ATP8B3: variants seen among roughly 807,000 people sequenced by gnomAD.
ATP8B3 encodes the protein ATPase phospholipid transporting 8B3.
A neutral mutation model predicts 140.9 loss-of-function variants in ATP8B3; 141 were observed. The ratio of observed to expected loss-of-function variants is 1.00; its 90% CI spans 0.87 to 1.15. ATP8B3 has a LOEUF of 1.15. ATP8B3 is among the 50% of genes most tolerant of loss of function. ATP8B3 has a pLI of 0.00. For missense variants in ATP8B3, 1,874 were observed against 1,740.6 expected (o/e 1.08, Z -1.36); for synonymous variants, 765 against 714.6 (o/e 1.07, Z -1.13).
Position 1,799,885 on chromosome 19 carries a change from A to T in ATP8B3, c.1552+62T>A, listed in dbSNP as rs1332801265. The T allele has an allele frequency of 4.1e-6, 6 of 1,481,166 alleles. No individual in the cohort carries two copies. The East Asian group carries it at 1.5e-4, about 36-fold the overall frequency. 91.8% of individuals were successfully genotyped at this position (1,481,166 alleles called of 1,614,324 possible). A position where few individuals can be genotyped will look rare whatever the true frequency, so the allele number is the denominator to read the frequency against. On this transcript the variant is annotated intron_variant, in intron 14 of 28. Coordinates refer to ENST00000310127, the MANE Select transcript of ATP8B3 (RefSeq NM_138813.4). Reference sequence around the variant, plus strand: ...GGGGCCAGACGTGGCTCTGGTTCTCAGGCACCCTGAGCCCCTTGAAGATCG... The same window carrying T: ...GGGGCCAGACGTGGCTCTGGTTCTCTGGCACCCTGAGCCCCTTGAAGATCG...
intron 18 of ATP8B3, among the ~76,000 whole-genome samples, chr19:1,793,064 T>C (rs1265589247): frequency 6.6e-6 from 1 of 151,472 alleles, no homozygotes; most frequent in Admixed American, 6.6e-5. Context: ...ACCTTCCCTA[T>C]GCTTTGCACA....
chr19:1,787,986 G>C (rs1000778562), intron 24 of ATP8B3, among the ~76,000 whole-genome samples: 4 of 152,118 alleles, frequency 2.6e-5, no homozygotes, highest in Non-Finnish European at 5.9e-5. Context: ...AGGTTGCAGT[G>C]AGCCAAGATC....
intron 28 of ATP8B3, 140 bp downstream of exon 28, chr19:1,784,679 C>G (rs1280829575): frequency 8.2e-7 from 1 of 1,225,328 alleles, no homozygotes; most frequent in Admixed American, 3.0e-5. Flanking sequence ...CGGGGCTCCG[C>G]ACCCACCCTT....
At position 1,782,909 on chromosome 19, in the gene ATP8B3, G is replaced by T; in HGVS notation, c.*119C>A. On this transcript the variant is annotated 3_prime_UTR_variant, in exon 29 of 29. Coordinates refer to ENST00000310127, the MANE Select transcript of ATP8B3 (RefSeq NM_138813.4). ...AGGTTGGTTTTCTGGATGAAGAGCG[G>T]ATTGTCTATCCATAGAAAATGATGA... is the stretch of plus-strand genomic sequence containing the variant. The T allele has an allele frequency of 1.5e-6, 2 of 1,330,732 alleles. No homozygotes were observed. Among genetic ancestry groups the T allele is most frequent in the Non-Finnish European group, 2.0e-6 (2 of 983,980 alleles). 82.4% of individuals were successfully genotyped at this position (1,330,732 alleles called of 1,614,324 possible).
rs766870407 is a variant in ATP8B3, at chr19:1,785,208, G to A, written c.3483C>T (p.Thr1161=). The A allele has an allele frequency of 1.2e-5, 20 of 1,605,670 alleles. No homozygotes were observed. The highest frequency in any genetic ancestry group is 1.7e-5 in the Non-Finnish European group (20 of 1,176,164). The change falls in exon 27 of 29, where the codon ACC becomes ACT. Residue 1161 remains threonine (T), a synonymous_variant. Coordinates refer to ENST00000310127, the MANE Select transcript of ATP8B3 (RefSeq NM_138813.4). ...ATACTCTGAAGAGCCAGAAGCTCTG[G>A]GTGGTGGTAGTCATGATGGCGTAGA... ...LGFYAIMTTT[T]QSFWLFRVSP...
In ATP8B3 at chr19:1,782,841, CAGAT is replaced by C. The variant is rs1441454599; in HGVS notation, c.*183_*186del. On this transcript the variant is annotated 3_prime_UTR_variant, in exon 29 of 29. Transcript: ENST00000310127. ...CTTGGCAATTGCTCTTGGAAAGACTCAGATAGCCTGTTGCTGCTGGTGAGCACAT... is the reference window on the plus strand; with the variant it reads ...CTTGGCAATTGCTCTTGGAAAGACTCAGCCTGTTGCTGCTGGTGAGCACAT... 1.8e-5 allele frequency: 13 copies of C among 736,268 alleles called. No individual in the cohort carries two copies. Among genetic ancestry groups the C allele is most frequent in the Non-Finnish European group, 2.6e-5 (12 of 461,134 alleles). The allele number at this position is 736,268 out of a possible 1,614,324, so 45.6% of individuals were successfully genotyped here. A position where few individuals can be genotyped will look rare whatever the true frequency, so the allele number is the denominator to read the frequency against.
chr19:1,784,944 C>G lies in ATP8B3; in HGVS notation c.3535G>C (p.Ala1179Pro), dbSNP rs577438787. ...GGAGAGGACATCACGCTGAGGTCGG[C>G]ATCTGGGGACAGGGCGGGGTCACAG... ...VSPTTFPFLY[A>P]DLSVMSSPSI... The change falls in exon 28 of 29, where the codon GCC becomes CCC. Residue 1179 changes from alanine (A) to proline (P), a missense_variant and splice_region_variant. Around this residue, in one of 3 missense-constraint regions of ATP8B3, gnomAD observed 840 missense variants for 760.9 expected, o/e 1.10. Coordinates refer to ENST00000310127, the MANE Select transcript of ATP8B3 (RefSeq NM_138813.4). 1.2e-6 allele frequency: 2 copies of G among 1,608,698 alleles called. No individual in the cohort carries two copies. Among genetic ancestry groups the G allele is most frequent in the Non-Finnish European group, 1.7e-6 (2 of 1,177,470 alleles).
rs550853062 is a variant in ATP8B3 at position 1,787,839 on chromosome 19, C to T, written c.3070-653G>A. On this transcript the variant is annotated intron_variant, in intron 24 of 28. Coordinates refer to ENST00000310127, the MANE Select transcript of ATP8B3 (RefSeq NM_138813.4). ...TGGGCAGATCACGAGGTCAGGAGTT[C>T]GAGACCAGCCTGGCCAACATGGCAA... Among the ~76,000 whole-genome samples, 121 of 150,386 alleles carry T rather than the reference C, an allele frequency of 8.0e-4. 1 individual carries two copies. The highest frequency in any genetic ancestry group is 2.8e-3 in the African/African-American group (114 of 40,890).
chr19:1,789,872 A>C lies in ATP8B3; in HGVS notation c.2478+18T>G, dbSNP rs764632695. ...CCCTGGCGCCGGGACCCCGCCGTCC[A>C]CCCTGAGCGACACTGACCAGGAAGT... On this transcript the variant is annotated intron_variant, in intron 22 of 28. Transcript: ENST00000310127. 6.2e-7 allele frequency: 1 copy of C among 1,606,244 alleles called. No individual in the cohort carries two copies. Among genetic ancestry groups the C allele is most frequent in the East Asian group, 2.2e-5 (1 of 44,548 alleles).
Position 1,789,261 on chromosome 19 carries a change from GC to G in ATP8B3, c.2845+99del, listed in dbSNP as rs565076661. 3.0e-4 allele frequency: 357 copies of G among 1,175,290 alleles called. 1 individual carries two copies. In the African/African-American group the frequency reaches 5.4e-3, roughly 18 times the overall value. 72.8% of individuals were successfully genotyped at this position (1,175,290 alleles called of 1,614,324 possible). A position where few individuals can be genotyped will look rare whatever the true frequency, so the allele number is the denominator to read the frequency against. On this transcript the variant is annotated intron_variant, in intron 23 of 28. Transcript: ENST00000310127. ...CAGTCCCACCGCCGCCTCCATCAGC[GC>G]CCCCCTCACCTGCCCCAGGTCCCCC... is the stretch of plus-strand genomic sequence containing the variant.
At position 1,800,051 on chromosome 19, in the gene ATP8B3, T is replaced by C. The variant is rs2068794167; in HGVS notation, c.1448A>G (p.Asn483Ser). ...GTATTCCACCTGGCCCAGGTGGTCGTTGAGGCTGGTGCTGCGGGCCTTGGC... is the reference window on the plus strand; with the variant it reads ...GTATTCCACCTGGCCCAGGTGGTCGCTGAGGCTGGTGCTGCGGGCCTTGGC... ...VPAKARSTSL[N>S]DHLGQVEYIF... Residue 483 changes from asparagine to serine, a missense_variant, in exon 14 of 29, where the codon AAC becomes AGC. Coordinates refer to ENST00000310127, the MANE Select transcript of ATP8B3 (RefSeq NM_138813.4). The surrounding 1 kb of genome is among the most constrained non-coding windows in gnomAD (Gnocchi z 4.4). 6.3e-7 allele frequency: 1 copy of C among 1,597,514 alleles called. No homozygotes were observed. Among genetic ancestry groups the C allele is most frequent in the Non-Finnish European group, 8.5e-7 (1 of 1,172,184 alleles).
rs1310934672 is a variant in ATP8B3, at chr19:1,788,987, G to A, written c.2979C>T (p.Ile993=). 2 of 1,610,606 alleles carry A rather than the reference G, an allele frequency of 1.2e-6. No homozygotes were observed. Among genetic ancestry groups the A allele is most frequent in the Non-Finnish European group, 1.7e-6 (2 of 1,178,846 alleles). ...AGAAGAAGTAGCGCAGGAACTTGCA[G>A]ATCCGCACGTAGGACCAGCGGCCGT... The part of the protein sequence containing the change: ...LVHGRWSYVR[I]CKFLRYFFYK... Residue 993 remains isoleucine, a synonymous_variant, in exon 24 of 29, where the codon ATC becomes ATT. Coordinates refer to ENST00000310127, the MANE Select transcript of ATP8B3 (RefSeq NM_138813.4).
chr19:1,810,416 G>A (rs139154981), intron 3 of ATP8B3, among the ~76,000 whole-genome samples: 191 of 152,220 alleles, frequency 1.3e-3, no homozygotes, highest in Non-Finnish European at 2.2e-3. Flanking sequence ...ACAGGCATAC[G>A]CCACCACGCC....
Position 1,800,355 on chromosome 19 carries a change from C to G in ATP8B3, c.1247G>C (p.Gly416Ala). ...EFKDHHYYLS[G>A]VHGSSVAAES... ...TGCGGCCACGCTGCTCCCATGCACCCCCGAGAGGTAGTAGTGGTGGTCTTT... is the reference window on the plus strand; with the variant it reads ...TGCGGCCACGCTGCTCCCATGCACCGCCGAGAGGTAGTAGTGGTGGTCTTT... Residue 416 changes from glycine to alanine, a missense_variant, in exon 13 of 29, where the codon GGG (glycine) becomes GCG (alanine). By Grantham distance (60) the Gly-to-Ala change is moderately conservative (BLOSUM62 0). Transcript: ENST00000310127. This position sits in a 1 kb window ranked among gnomAD's most constrained non-coding sequence, Gnocchi z 4.4. 1.2e-6 allele frequency: 2 copies of G among 1,612,658 alleles called. No homozygotes were observed. The highest frequency in any genetic ancestry group is 8.5e-7 in the Non-Finnish European group (1 of 1,179,774).
Position 1,787,103 on chromosome 19 carries a change from C to G in ATP8B3, c.3153G>C (p.Gln1051His). The change falls in exon 25 of 29, where the codon CAG becomes CAC. Residue 1051 changes from glutamine (Q) to histidine (H), a missense_variant and splice_region_variant. This residue lies in a region of ATP8B3 where 840 missense variants were observed against 760.9 expected (regional missense o/e 1.10). Transcript: ENST00000310127. The stretch of plus-strand genomic sequence containing the variant: ...GAAGACCCGGCCTTGCCCTGCTCAC[C>G]TGCTCAAAGAGCCCAATGTAGAGAA... ...LPVLYIGLFE[Q>H]DVSAEQSLEK... 6.3e-7 allele frequency: 1 copy of G among 1,599,772 alleles called. No individual in the cohort carries two copies. The highest frequency in any genetic ancestry group is 8.5e-7 in the Non-Finnish European group (1 of 1,172,564).
chr19:1,790,737 C>G lies in ATP8B3; in HGVS notation c.2378+20G>C. 3.2e-6 allele frequency: 5 copies of G among 1,583,360 alleles called. No individual in the cohort carries two copies. Among genetic ancestry groups the G allele is most frequent in the Non-Finnish European group, 4.3e-6 (5 of 1,166,590 alleles). On this transcript the variant is annotated intron_variant, in intron 21 of 28. Transcript: ENST00000310127. ...ACCTCCCCACTCCCCTTGCTCACCC[C>G]CCAACTCCCCACTTCTTACCTAATC...
intron 5 of ATP8B3, 113 bp downstream of exon 5, chr19:1,808,109 T>C: frequency 1.2e-6 from 1 of 832,478 alleles, no homozygotes; most frequent in Non-Finnish European, 2.0e-6. Context: ...GACTCAGCGC[T>C]GAGGGTCCCA....
intron 4 of ATP8B3, among the ~76,000 whole-genome samples, chr19:1,808,788 C>T (rs1342277364): frequency 1.3e-5 from 2 of 152,212 alleles, no homozygotes; most frequent in Non-Finnish European, 2.9e-5. Flanking sequence ...CTGACCCTCA[C>T]GTGCACTGGG....
Position 1,805,976 on chromosome 19 carries a change from G to T in ATP8B3, c.751-18C>A, listed in dbSNP as rs755724932. On this transcript the variant is annotated intron_variant, in intron 8 of 28. Coordinates refer to ENST00000310127, the MANE Select transcript of ATP8B3 (RefSeq NM_138813.4). This position sits in a 1 kb window ranked among gnomAD's most constrained non-coding sequence, Gnocchi z 5.2. ...ATGTCGGCCTGGTGTGGAGTGGGGGGCAGCGTTGCAAGAGGGGATGCAAGA... is the reference window on the plus strand; with the variant it reads ...ATGTCGGCCTGGTGTGGAGTGGGGGTCAGCGTTGCAAGAGGGGATGCAAGA... 6.2e-7 allele frequency: 1 copy of T among 1,612,450 alleles called. No individual in the cohort carries two copies. Among genetic ancestry groups the T allele is most frequent in the Non-Finnish European group, 8.5e-7 (1 of 1,179,782 alleles).
Sources: gnomAD v4.1 joint callset for allele counts (sites outside exome capture counted in the v4.1 genomes callset) on GRCh38, gnomAD v4.1.1 for gene constraint, gnomAD v4.1.1 regional missense constraint, Gnocchi (gnomAD v3.1) non-coding constraint, MANE v1.5 for transcripts, NCBI Gene and HGNC (gene_info 2026-07-23, HGNC 2026-07-21) for gene names.